Variants in TOPAZ1 observed in about 807,000 individuals in gnomAD.
The protein encoded by TOPAZ1 is testis and ovary specific TOPAZ 1, also known as protein TOPAZ1.
Under a neutral mutation model 172.2 loss-of-function variants are expected in TOPAZ1, and 66 were observed. That is an observed-to-expected ratio of 0.38 (90% CI 0.31 to 0.47). TOPAZ1 has a LOEUF of 0.47. Ranked by LOEUF, TOPAZ1 falls within the 20% of genes least tolerant of loss-of-function variation. The probability of loss-of-function intolerance (pLI) is 0.99; values close to 1 mark genes in which losing one functional copy is unlikely to be tolerated. For missense variants in TOPAZ1, 1,822 were observed against 1,972.4 expected, an observed-to-expected ratio of 0.92 and a Z score of 1.44; for synonymous variants, 681 against 683.9, an observed-to-expected ratio of 1.00 and a Z score of 0.07.
chr3:44,269,132 A>G (rs1699865011), intron 6 of TOPAZ1, 84 bp from the exon 7 acceptor site: 4 of 778,530 alleles, frequency 5.1e-6, no homozygotes, highest in South Asian at 1.5e-5. Flanking sequence ...TTTAAAGCAG[A>G]TAGTAGTGAT....
chr3:44,292,136 C>G (rs1204129708), intron 12 of TOPAZ1, among the ~76,000 whole-genome samples: 1 of 152,160 alleles, frequency 6.6e-6, no homozygotes, highest in African/African-American at 2.4e-5. Context: ...CTAAATAGTA[C>G]TTCTTCCCTT....
At chr3:44,255,690 C>T (rs1699693572) in intron 3 of TOPAZ1, among the ~76,000 whole-genome samples, 1 of 82,028 alleles carries the variant, frequency 1.2e-5, no homozygotes, top group Non-Finnish European at 2.4e-5. Flanking sequence ...CACACACACA[C>T]ACACACACAC....
chr3:44,335,659 C>G (rs1354004971), downstream of TOPAZ1, among the ~76,000 whole-genome samples: 2 of 152,054 alleles, frequency 1.3e-5, no homozygotes, highest in Non-Finnish European at 2.9e-5. Context: ...CTTAGAGGGC[C>G]CCTCAATCTT....
At chr3:44,284,927 TTTA>T (rs1700061734) in intron 9 of TOPAZ1, among the ~76,000 whole-genome samples, 1 of 152,196 alleles carries the variant, frequency 6.6e-6, no homozygotes, top group Non-Finnish European at 1.5e-5. Flanking sequence ...TCTTCAATAT[TTTA>T]GATTTACCAC....
Position 44,303,847 on chromosome 3 carries a change from G to A in TOPAZ1, c.3798-168G>A, listed in dbSNP as rs191918329. 1.6e-4 allele frequency among the ~76,000 whole-genome samples: 24 copies of A among 152,082 alleles called. No individual in the cohort carries two copies. The East Asian group carries it at 4.5e-3, about 28-fold the overall frequency. On this transcript the variant is annotated intron_variant, in intron 12 of 19. Coordinates refer to ENST00000309765, the MANE Select transcript of TOPAZ1 (RefSeq NM_001145030.2). The stretch of plus-strand genomic sequence containing the variant: ...TTTGGGGAGGAAATAGTATAAAGTA[G>A]GTGTCTATATAGCTGCCTTTTTTTC...
At position 44,304,048 on chromosome 3, in the gene TOPAZ1, G is replaced by A. The variant is rs977974875; in HGVS notation, c.3831G>A (p.Lys1277=). The change falls in exon 13 of 20, where the codon AAG becomes AAA. Residue 1277 remains lysine (K), a synonymous_variant. Coordinates refer to ENST00000309765, the MANE Select transcript of TOPAZ1 (RefSeq NM_001145030.2). ...LQMRRFKKNW[K]CDLDSALNKL... ...TGAGACGATTTAAAAAGAACTGGAA[G>A]TGTGATTTAGATTCAGCCTTGAATA... 6 of 1,538,474 alleles carry A rather than the reference G, an allele frequency of 3.9e-6. No individual in the cohort carries two copies. The highest frequency in any genetic ancestry group is 5.3e-6 in the Non-Finnish European group (6 of 1,136,748).
rs549866747 is a variant in TOPAZ1 at position 44,306,313 on chromosome 3, A to G, written c.4040-13A>G. 84 of 1,508,210 alleles carry G rather than the reference A, an allele frequency of 5.6e-5. 1 individual carries two copies. The highest frequency in any genetic ancestry group is 3.3e-4 in the South Asian group (27 of 82,170). The allele number at this position is 1,508,210 out of a possible 1,614,324, so 93.4% of individuals were successfully genotyped here. A position where few individuals can be genotyped will look rare whatever the true frequency, so the allele number is the denominator to read the frequency against. On this transcript the variant is annotated splice_polypyrimidine_tract_variant and intron_variant, in intron 14 of 19. Coordinates refer to ENST00000309765, the MANE Select transcript of TOPAZ1 (RefSeq NM_001145030.2). ...CTATTTTATTTTCTTTTGTATGCCTATTTGTGTTTCAGTTAGCAAAGATCC... is the reference window on the plus strand; with the variant it reads ...CTATTTTATTTTCTTTTGTATGCCTGTTTGTGTTTCAGTTAGCAAAGATCC...
chr3:44,302,001 T>G (rs1409645951), intron 12 of TOPAZ1, among the ~76,000 whole-genome samples: 4 of 152,220 alleles, frequency 2.6e-5, no homozygotes, highest in Non-Finnish European at 4.4e-5. Flanking sequence ...TGACTTCATT[T>G]TTACAGTTAG....
intron 13 of TOPAZ1, among the ~76,000 whole-genome samples, 160 bp from the exon 14 acceptor site, chr3:44,304,987 A>T (rs1262804295): frequency 6.6e-6 from 1 of 152,200 alleles, no homozygotes; most frequent in Non-Finnish European, 1.5e-5. Context: ...TGTGTTGTTG[A>T]TGTGATACTT....
At chr3:44,332,623 C>T (rs574935397), downstream of TOPAZ1, among the ~76,000 whole-genome samples, 1 of 152,086 alleles carries the variant, frequency 6.6e-6, no homozygotes, top group South Asian at 2.1e-4. Context: ...AAGGATTCTT[C>T]CTTCCAAACC....
Position 44,309,955 on chromosome 3 carries a change from G to C in TOPAZ1, c.4271G>C (p.Ser1424Thr), listed in dbSNP as rs529887106. Reference sequence around the variant, plus strand: ...GTTGCAGCAGAAATTTTTCTAAAAAGTGGAAGCCTAGATGGTGCCATTTGG... The same window carrying C: ...GTTGCAGCAGAAATTTTTCTAAAAACTGGAAGCCTAGATGGTGCCATTTGG... ...VNVAAEIFLKSGSLDGAIWVM... is the reference protein window; with the variant it reads ...VNVAAEIFLKTGSLDGAIWVM... Residue 1424 changes from serine (S) to threonine (T), a missense_variant, in exon 16 of 20, where the codon AGT becomes ACT. By Grantham distance (58) the Ser-to-Thr change is moderately conservative. Coordinates refer to ENST00000309765, the MANE Select transcript of TOPAZ1 (RefSeq NM_001145030.2). The C allele has an allele frequency of 6.4e-7, 1 of 1,551,436 alleles. No individual in the cohort carries two copies. Among genetic ancestry groups the C allele is most frequent in the Non-Finnish European group, 8.7e-7 (1 of 1,146,942 alleles).
At chr3:44,293,109 G>C (rs1700156312) in intron 12 of TOPAZ1, among the ~76,000 whole-genome samples, 1 of 152,090 alleles carries the variant, frequency 6.6e-6, no homozygotes, top group South Asian at 2.1e-4. Context: ...TATAATGTCA[G>C]AGCACAATGC....
At chr3:44,282,209 T>A (rs1454630396) in intron 9 of TOPAZ1, among the ~76,000 whole-genome samples, 178 bp downstream of exon 9, 1 of 152,212 alleles carries the variant, frequency 6.6e-6, no homozygotes, top group East Asian at 1.9e-4. Context: ...AAAATGATAA[T>A]CTACCTAACA....
intron 12 of TOPAZ1, among the ~76,000 whole-genome samples, chr3:44,292,579 C>T (rs572850078): frequency 6.6e-6 from 1 of 152,270 alleles, no homozygotes; most frequent in Non-Finnish European, 1.5e-5. Flanking sequence ...TACTGAACTT[C>T]ACCCTTCATG....
At chr3:44,314,829 T>G (rs1361423097) in intron 16 of TOPAZ1, among the ~76,000 whole-genome samples, 1 of 152,082 alleles carries the variant, frequency 6.6e-6, no homozygotes, top group Non-Finnish European at 1.5e-5. Flanking sequence ...TCCTAAAAAT[T>G]TGCATGTCTG....
intron 5 of TOPAZ1, 27 bp downstream of exon 5, chr3:44,262,510 A>C (rs1205463848): frequency 3.4e-6 from 4 of 1,159,894 alleles, no homozygotes; most frequent in Non-Finnish European, 4.9e-6. Context: ...TTAATTACAT[A>C]ACTTAAAATA....
At chr3:44,273,196 G>A (rs776562532) in intron 8 of TOPAZ1, among the ~76,000 whole-genome samples, 4 of 152,140 alleles carry the variant, frequency 2.6e-5, no homozygotes, top group Non-Finnish European at 4.4e-5. Flanking sequence ...TTCCTCATTC[G>A]TGAATCTTTT....
chr3:44,269,227 C>A lies in TOPAZ1; in HGVS notation c.3172C>A (p.Leu1058Met). The change falls in exon 7 of 20, where the codon CTG (leucine) becomes ATG (methionine). Residue 1058 changes from leucine to methionine, a missense_variant. Leu to Met is a conservative substitution (Grantham distance 15). Around this residue, in one of 2 missense-constraint regions of TOPAZ1, gnomAD observed 1,489 missense variants for 1,490.8 expected, o/e 1.00. Coordinates refer to ENST00000309765, the MANE Select transcript of TOPAZ1 (RefSeq NM_001145030.2). ...TAAATCATTTCTAGATTTCAGATTT[C>A]TGGGAAAACATTCTGTCCTAAAGCT... ...LNTWMNDFRF[L>M]GKHSVLKLQN... 2 of 1,545,600 alleles carry A rather than the reference C, an allele frequency of 1.3e-6. No individual in the cohort carries two copies. The highest frequency in any genetic ancestry group is 2.4e-5 in the South Asian group (2 of 83,896).
At chr3:44,335,236 C>A (rs1700710661), downstream of TOPAZ1, among the ~76,000 whole-genome samples, 1 of 152,086 alleles carries the variant, frequency 6.6e-6, no homozygotes, top group South Asian at 2.1e-4. Flanking sequence ...TCAGGAGGGG[C>A]AGGTAATACA....
Sources: allele counts gnomAD v4.1 joint callset (sites outside exome capture counted in the v4.1 genomes callset), GRCh38; gene constraint gnomAD v4.1.1; regional missense constraint gnomAD v4.1.1; transcripts MANE v1.5; gene names NCBI Gene and HGNC (gene_info 2026-07-23, HGNC 2026-07-21).